FAM135B: variants seen among roughly 807,000 people sequenced by gnomAD.
FAM135B encodes family with sequence similarity 135 member B, also known as protein FAM135B.
In FAM135B, 43 loss-of-function variants were observed where a neutral mutation model predicts 127.7. That is an observed-to-expected ratio of 0.34 (90% confidence interval 0.26 to 0.43). FAM135B has a LOEUF of 0.43. FAM135B is among the 20% of genes least tolerant of loss of function. The pLI, the probability that FAM135B is intolerant of heterozygous loss-of-function variation, is 1.00. For synonymous variants in FAM135B, 670 were observed against 665.1 expected, an observed-to-expected ratio of 1.01 and a Z score of -0.11; for missense variants, 1,558 against 1,725.6, an observed-to-expected ratio of 0.90 and a Z score of 1.72.
chr8:138,177,261 C>A, intron 11 of FAM135B, 86 bp downstream of exon 11: 1 of 1,253,672 alleles, frequency 8.0e-7, no homozygotes, highest in Non-Finnish European at 1.1e-6. Context: ...TCCTTCACTT[C>A]CAGTGAGAAA....
At position 138,217,019 on chromosome 8, in the gene FAM135B, T is replaced by C. The variant is rs114170681; in HGVS notation, c.670-19350A>G. On this transcript the variant is annotated intron_variant, in intron 7 of 19. Transcript: ENST00000395297. ...TGCCTTGGTTTCCTGATGCACATGA[T>C]AGTATAATAATAGTCACCTCGAAGC... Among the ~76,000 whole-genome samples, 1,218 of 152,230 alleles carry C rather than the reference T, an allele frequency of 8.0e-3. 14 individuals are homozygous for C. Among genetic ancestry groups the C allele is most frequent in the African/African-American group, 0.028 (1,158 of 41,524 alleles).
At chr8:138,289,172 A>C (rs1460647036) in intron 3 of FAM135B, among the ~76,000 whole-genome samples, 1 of 152,124 alleles carries the variant, frequency 6.6e-6, no homozygotes, top group African/African-American at 2.4e-5. Flanking sequence ...TCCTTTTTGT[A>C]AAATAAAAGA....
chr8:138,378,760 G>A (rs551712988), intron 1 of FAM135B, among the ~76,000 whole-genome samples: 1 of 151,804 alleles, frequency 6.6e-6, no homozygotes, highest in African/African-American at 2.4e-5. Context: ...TCTGAAGACA[G>A]TGCAAATAGA....
chr8:138,302,583 T>TC (rs5895511), intron 3 of FAM135B, among the ~76,000 whole-genome samples: 152,276 of 152,276 alleles, frequency 1, 76,138 homozygotes, highest in Non-Finnish European at 1. Flanking sequence ...CCTTCTCATT[T>TC]TGAGCAGATG....
At position 138,276,297 on chromosome 8, in the gene FAM135B, C is replaced by G. The variant is rs545493869; in HGVS notation, c.158-10455G>C. Among the ~76,000 whole-genome samples, 6 of 152,314 alleles carry G rather than the reference C, an allele frequency of 3.9e-5. 1 individual carries two copies. In the South Asian group the frequency reaches 6.2e-4, roughly 16 times the overall value. On this transcript the variant is annotated intron_variant, in intron 3 of 19. Coordinates refer to ENST00000395297, the MANE Select transcript of FAM135B (RefSeq NM_015912.4). ...AAGTATAGTCGCAATTGCAGCTAAT[C>G]AAATATTTGTCAGAGCTGCAGTGTC...
intron 6 of FAM135B, among the ~76,000 whole-genome samples, chr8:138,245,449 G>A (rs1821204097): frequency 6.6e-6 from 1 of 152,066 alleles, no homozygotes; most frequent in Non-Finnish European, 1.5e-5. Flanking sequence ...TAGTGAGTGA[G>A]TTCTCATGAG....
chr8:138,280,641 T>G (rs7834117), intron 3 of FAM135B, among the ~76,000 whole-genome samples: 145,349 of 152,212 alleles, frequency 0.95, 69,605 homozygotes, highest in Non-Finnish European at 1. Flanking sequence ...CTTGGCACAG[T>G]GCTTGGAAAA....
chr8:138,330,196 T>C (rs1375702307), intron 2 of FAM135B, among the ~76,000 whole-genome samples: 1 of 152,188 alleles, frequency 6.6e-6, no homozygotes, highest in East Asian at 1.9e-4. Flanking sequence ...CAATTGCCTT[T>C]TCTTATATGT....
At chr8:138,165,963 G>A (rs1210996372) in intron 12 of FAM135B, among the ~76,000 whole-genome samples, 1 of 152,168 alleles carries the variant, frequency 6.6e-6, no homozygotes, top group Non-Finnish European at 1.5e-5. Flanking sequence ...CAAGTCTCAG[G>A]TAGCAGAATC....
intron 7 of FAM135B, among the ~76,000 whole-genome samples, chr8:138,230,228 T>C (rs2130194500): frequency 6.6e-6 from 1 of 152,274 alleles, no homozygotes; most frequent in African/African-American, 2.4e-5. Flanking sequence ...TTTCACTCTT[T>C]TTCCACACCT....
rs190539484 is a variant in FAM135B, at chr8:138,400,122, C to T, written c.-19-32120G>A. ...GAGATCCCTGAATCTCTCTGGAGCT[C>T]GGGCTTTGGGTGTGCTGGAAGCCCC... On this transcript the variant is annotated intron_variant, in intron 1 of 19. Transcript: ENST00000395297. Among the ~76,000 whole-genome samples the T allele has an allele frequency of 3.7e-4, 57 of 152,236 alleles. No individual in the cohort carries two copies. The South Asian group carries it at 0.011, about 29-fold the overall frequency.
intron 18 of FAM135B, 57 bp from the exon 19 acceptor site, chr8:138,137,317 C>T (rs765612883): frequency 6.2e-5 from 60 of 960,206 alleles, no homozygotes; most frequent in Non-Finnish European, 9.9e-5. Flanking sequence ...CTTCAACACC[C>T]TCTGGAAATT....
intron 9 of FAM135B, among the ~76,000 whole-genome samples, chr8:138,192,962 T>C (rs966782581): frequency 1.3e-5 from 2 of 152,200 alleles, no homozygotes; most frequent in African/African-American, 4.8e-5. Flanking sequence ...TTAAGCAACT[T>C]GCCTAAAGTC....
In FAM135B at chr8:138,284,173, G is replaced by C. The variant is rs117624734; in HGVS notation, c.158-18331C>G. Among the ~76,000 whole-genome samples the C allele has an allele frequency of 8.5e-5, 13 of 152,194 alleles. No individual in the cohort carries two copies. The East Asian group carries it at 2.3e-3, about 27-fold the overall frequency. ...GAATGACCCTATAATCTAACCTCTT[G>C]CATACGGCAAAAATCTGAGGGTCAC... On this transcript the variant is annotated intron_variant, in intron 3 of 19. Coordinates refer to ENST00000395297, the MANE Select transcript of FAM135B (RefSeq NM_015912.4).
chr8:138,365,179 A>G (rs1355415949), intron 2 of FAM135B, among the ~76,000 whole-genome samples: 1 of 152,160 alleles, frequency 6.6e-6, no homozygotes, highest in African/African-American at 2.4e-5. Context: ...CCCAAAAAAC[A>G]TTAGAGTGGT....
At chr8:138,191,823 C>G (rs1402634773) in intron 9 of FAM135B, among the ~76,000 whole-genome samples, 2 of 152,186 alleles carry the variant, frequency 1.3e-5, no homozygotes, top group East Asian at 3.9e-4. Flanking sequence ...CAAAAAATGA[C>G]AAGCCAAAGC....
intron 2 of FAM135B, among the ~76,000 whole-genome samples, chr8:138,314,353 A>G (rs1216121459): frequency 6.6e-6 from 1 of 152,168 alleles, no homozygotes; most frequent in Non-Finnish European, 1.5e-5. Flanking sequence ...TTTACAGAAC[A>G]TACTACTGTA....
intron 7 of FAM135B, among the ~76,000 whole-genome samples, chr8:138,208,382 T>C (rs1817873075): frequency 6.6e-6 from 1 of 152,252 alleles, no homozygotes; most frequent in Non-Finnish European, 1.5e-5. Flanking sequence ...ATGAATTATG[T>C]GGCTGAAAAT....
At chr8:138,204,532 C>A (rs1171528453) in intron 7 of FAM135B, among the ~76,000 whole-genome samples, 1 of 152,166 alleles carries the variant, frequency 6.6e-6, no homozygotes. Flanking sequence ...GTCATAGCAT[C>A]CTCTACAGGG....
Sources: allele counts gnomAD v4.1 joint callset (sites outside exome capture counted in the v4.1 genomes callset), GRCh38; gene constraint gnomAD v4.1.1; transcripts MANE v1.5; gene names NCBI Gene and HGNC (gene_info 2026-07-23, HGNC 2026-07-21).